Variants in ZNF677 observed in about 807,000 individuals in gnomAD.
ZNF677 encodes the protein zinc finger protein 677.
In ZNF677, 5 loss-of-function variants were observed where a neutral mutation model predicts 8.1. The observed-to-expected ratio is 0.62, with a 90% CI of 0.32 to 1.29. The LOEUF (loss-of-function observed/expected upper bound fraction) is 1.29. Ranked by LOEUF, ZNF677 falls within the 50% of genes most tolerant of loss-of-function variation. The pLI, the probability that ZNF677 is intolerant of heterozygous loss-of-function variation, is 0.05. For synonymous variants in ZNF677, 221 were observed against 225.6 expected, an observed-to-expected ratio of 0.98 and a Z score of 0.18; for missense variants, 685 against 685.9, an observed-to-expected ratio of 1.00 and a Z score of 0.01.
intron 4 of ZNF677, chr19:53,242,554 T>C: frequency 2.5e-6 from 1 of 396,110 alleles, no homozygotes; most frequent in Non-Finnish European, 4.4e-6. Flanking sequence ...CATTCCCCTT[T>C]AGACACATGT....
chr19:53,252,931 C>G (rs1052597075), intron 2 of ZNF677, among the ~76,000 whole-genome samples, 155 bp downstream of exon 2: 2 of 152,128 alleles, frequency 1.3e-5, no homozygotes, highest in Admixed American at 1.3e-4. Flanking sequence ...CTACTGATAA[C>G]CCATTGTTGA....
At chr19:53,241,738 T>C in intron 4 of ZNF677, 1 of 397,200 alleles carries the variant, frequency 2.5e-6, no homozygotes, top group Non-Finnish European at 4.4e-6. Context: ...CTCTACTCAG[T>C]GGCTTCAAGA....
At chr19:53,247,291 G>A (rs1378082029) in intron 3 of ZNF677, among the ~76,000 whole-genome samples, 1 of 151,882 alleles carries the variant, frequency 6.6e-6, no homozygotes, top group Non-Finnish European at 1.5e-5. Flanking sequence ...CAGCAGCAGT[G>A]TCCAACCTTT....
Position 53,237,398 on chromosome 19 carries a change from A to G in ZNF677, c.1329T>C (p.Ser443=). The change falls in exon 5 of 5, where the codon AGT becomes AGC. Residue 443 remains serine (S), a synonymous_variant. Coordinates refer to ENST00000598513, the MANE Select transcript of ZNF677 (RefSeq NM_182609.4). ...TTCTCTGATGTTCCACAAGACTTGA[A>G]CTTTGGATAAAAGCCCTGCCACACA... ...CNVCGRAFIQ[S]SSLVEHQRIH... is the part of the protein sequence containing the mutation. The G allele has an allele frequency of 6.2e-7, 1 of 1,613,970 alleles. No homozygotes were observed. The highest frequency in any genetic ancestry group is 8.5e-7 in the Non-Finnish European group (1 of 1,179,992).
chr19:53,241,425 G>A (rs2091047384), intron 4 of ZNF677: 1 of 160,704 alleles, frequency 6.2e-6, no homozygotes, highest in African/African-American at 2.4e-5. Context: ...CCTCAATAAA[G>A]GCATAAAAAT....
rs771099483 is a variant in ZNF677, at chr19:53,251,544, G to C, written c.7C>G (p.Leu3Val). 24 of 1,613,622 alleles carry C rather than the reference G, an allele frequency of 1.5e-5. No individual in the cohort carries two copies. Among genetic ancestry groups the C allele is most frequent in the Non-Finnish European group, 2.0e-5 (24 of 1,179,670 alleles). ...AAGAATATAACTTTTACCTGAGAAAGAGCCATTCCCTCCTCTTCTTTCTTT... is the reference window on the plus strand; with the variant it reads ...AAGAATATAACTTTTACCTGAGAAACAGCCATTCCCTCCTCTTCTTTCTTT... MA[L>V]SQGLFTFKDV... The change falls in exon 3 of 5, where the codon CTT (leucine) becomes GTT (valine). Residue 3 changes from leucine (L) to valine (V), a missense_variant. Coordinates refer to ENST00000598513, the MANE Select transcript of ZNF677 (RefSeq NM_182609.4).
chr19:53,249,019 C>T (rs891529332), intron 3 of ZNF677: 1 of 152,030 alleles, frequency 6.6e-6, no homozygotes, highest in Non-Finnish European at 1.5e-5. Flanking sequence ...TTCAATTAAC[C>T]TAAAGTTTAG....
rs907594795 is a variant in ZNF677 at position 53,236,438 on chromosome 19, CCT to C, written c.*532_*533del. ...ACATCTTTCCACAGATGTCCTTGCTCCTCTGACACACACCATGAGTTTGTGAC... is the reference window on the plus strand; with the variant it reads ...ACATCTTTCCACAGATGTCCTTGCTCCTGACACACACCATGAGTTTGTGAC... On this transcript the variant is annotated 3_prime_UTR_variant, in exon 5 of 5. Coordinates refer to ENST00000598513, the MANE Select transcript of ZNF677 (RefSeq NM_182609.4). 6.6e-6 allele frequency: 1 copy of C among 152,224 alleles called. No individual in the cohort carries two copies. The highest frequency in any genetic ancestry group is 1.5e-5 in the Non-Finnish European group (1 of 68,096). The allele number at this position is 152,224 out of a possible 1,614,324, so 9.4% of individuals were successfully genotyped here.
At chr19:53,251,084 A>C (rs996586848) in intron 3 of ZNF677, among the ~76,000 whole-genome samples, 7 of 152,258 alleles carry the variant, frequency 4.6e-5, no homozygotes, top group African/African-American at 1.4e-4. Flanking sequence ...GTTTAGCTAC[A>C]AATGTATTAT....
chr19:53,236,852 T>A lies in ZNF677; in HGVS notation c.*120A>T, dbSNP rs1301643848. The A allele has an allele frequency of 5.4e-6, 5 of 929,822 alleles. No individual in the cohort carries two copies. Among genetic ancestry groups the A allele is most frequent in the Non-Finnish European group, 7.7e-6 (5 of 649,560 alleles). The allele number at this position is 929,822 out of a possible 1,614,324, so 57.6% of individuals were successfully genotyped here. A position where few individuals can be genotyped will look rare whatever the true frequency, so the allele number is the denominator to read the frequency against. Reference sequence around the variant, plus strand: ...TGGATAAGCCTTGCCATACATGTTATCTTTGTGTGGTTTATCTCAAAGATG... The same window carrying A: ...TGGATAAGCCTTGCCATACATGTTAACTTTGTGTGGTTTATCTCAAAGATG... On this transcript the variant is annotated 3_prime_UTR_variant, in exon 5 of 5. Coordinates refer to ENST00000598513, the MANE Select transcript of ZNF677 (RefSeq NM_182609.4).
At chr19:53,238,676 C>T in intron 4 of ZNF677, 119 bp from the exon 5 acceptor site, 5 of 952,116 alleles carry the variant, frequency 5.3e-6, no homozygotes, top group South Asian at 2.0e-5. Context: ...TATGAAGCTT[C>T]TCAACTGTCT....
chr19:53,249,989 C>T (rs1438614764), intron 3 of ZNF677, among the ~76,000 whole-genome samples: 1 of 152,142 alleles, frequency 6.6e-6, no homozygotes, highest in East Asian at 1.9e-4. Context: ...TCTCCTGCCT[C>T]AGCCTCTCGA....
At chr19:53,247,618 T>C (rs1381388477) in intron 3 of ZNF677, among the ~76,000 whole-genome samples, 1 of 152,200 alleles carries the variant, frequency 6.6e-6, no homozygotes, top group Non-Finnish European at 1.5e-5. Flanking sequence ...AGCAGGACTG[T>C]ATCTCCTTGT....
chr19:53,242,037 C>T (rs2091059188), intron 4 of ZNF677: 1 of 393,474 alleles, frequency 2.5e-6, no homozygotes, highest in Admixed American at 4.4e-5. Flanking sequence ...GTTCAAGCAA[C>T]TCTCCTGCCT....
At chr19:53,252,950 C>G (rs529442714) in intron 2 of ZNF677, 136 bp downstream of exon 2, 1 of 152,264 alleles carries the variant, frequency 6.6e-6, no homozygotes, top group African/African-American at 2.4e-5. Context: ...GACCAGAAGT[C>G]TACTGAAAAC....
intron 1 of ZNF677, among the ~76,000 whole-genome samples, chr19:53,253,527 A>G (rs1398218007): frequency 2.0e-5 from 3 of 152,172 alleles, no homozygotes; most frequent in African/African-American, 7.2e-5. Context: ...CGTCTCTGCT[A>G]AAAATACAAA....
At chr19:53,252,753 G>A (rs1447450496) in intron 2 of ZNF677, among the ~76,000 whole-genome samples, 1 of 152,162 alleles carries the variant, frequency 6.6e-6, no homozygotes, top group Non-Finnish European at 1.5e-5. Context: ...AAAGGACAAA[G>A]GGGACCTGGA....
rs765108630 is a variant in ZNF677, at chr19:53,237,822, T to G, written c.905A>C (p.Gln302Pro). Residue 302 changes from glutamine to proline, a missense_variant, in exon 5 of 5, where the codon CAG becomes CCG. Gln to Pro is a moderately conservative substitution (Grantham distance 76, BLOSUM62 -1). Coordinates refer to ENST00000598513, the MANE Select transcript of ZNF677 (RefSeq NM_182609.4). ...CTGATGCCTAGTGAGGTTCGAACAC[T>G]GGTTAAAGGCTTTGCCACACTCGTT... Reference protein sequence around the residue: ...KCNECGKAFNQCSNLTRHQRV... With the variant: ...KCNECGKAFNPCSNLTRHQRV... 9 of 1,613,108 alleles carry G rather than the reference T, an allele frequency of 5.6e-6. No homozygotes were observed. The South Asian group carries it at 9.9e-5, about 18-fold the overall frequency.
chr19:53,243,380 A>G (rs1469577580), intron 4 of ZNF677: 2 of 332,748 alleles, frequency 6.0e-6, no homozygotes, highest in Non-Finnish European at 1.1e-5. Flanking sequence ...ACAATTTCAT[A>G]AATTAGTCAA....
Sources: allele counts gnomAD v4.1 joint callset (sites outside exome capture counted in the v4.1 genomes callset), GRCh38; gene constraint gnomAD v4.1.1; transcripts MANE v1.5; gene names NCBI Gene and HGNC (gene_info 2026-07-23, HGNC 2026-07-21).